EFCAB6: variants seen among roughly 807,000 people sequenced by gnomAD.
EFCAB6 encodes EF-hand calcium-binding domain-containing protein 6.
EFCAB6 carries 156 observed loss-of-function variants against 169.8 expected under a neutral mutation model. The ratio of observed to expected loss-of-function variants is 0.92; its 90% CI spans 0.81 to 1.05. The LOEUF (loss-of-function observed/expected upper bound fraction) is 1.05, where lower values mean the gene tolerates loss of function less well. EFCAB6 is among the 50% of genes least tolerant of loss of function. The pLI, the probability that EFCAB6 is intolerant of heterozygous loss-of-function variation, is 0.00. For missense variants in EFCAB6, 1,800 were observed against 1,829.1 expected (o/e 0.98, Z 0.29); for synonymous variants, 698 against 676.4 (o/e 1.03, Z -0.50).
rs573460982 is a variant in EFCAB6 at position 43,574,440 on chromosome 22, C to T, written c.3420+1857G>A. ...ATGACTTCTGGGAGCCTGTCTACTC[C>T]GCCTTCCCCAACAGGCATGACAGTG... On this transcript the variant is annotated intron_variant, in intron 26 of 31. Transcript: ENST00000262726. 1.1e-4 allele frequency among the ~76,000 whole-genome samples: 17 copies of T among 152,236 alleles called. No homozygotes were observed. In the South Asian group the frequency reaches 1.2e-3, roughly 11 times the overall value.
chr22:43,632,566 C>T (rs1458978686), intron 18 of EFCAB6, among the ~76,000 whole-genome samples: 1 of 152,232 alleles, frequency 6.6e-6, no homozygotes, highest in East Asian at 1.9e-4. Context: ...TCCCAAAGTG[C>T]TGGGATTATA....
chr22:43,611,108 TAAAGA>T (rs1245673653), intron 21 of EFCAB6, among the ~76,000 whole-genome samples: 2 of 152,140 alleles, frequency 1.3e-5, no homozygotes, highest in Non-Finnish European at 2.9e-5. Context: ...ATATTACAAG[TAAAGA>T]AAACTACACA....
Position 43,554,922 on chromosome 22 carries a change from C to T in EFCAB6, c.3595G>A (p.Glu1199Lys), listed in dbSNP as rs1178833918. 2.5e-6 allele frequency: 4 copies of T among 1,614,160 alleles called. No homozygotes were observed. Among genetic ancestry groups the T allele is most frequent in the Admixed American group, 1.7e-5 (1 of 60,022 alleles). The change falls in exon 27 of 32, where the codon GAG (glutamate) becomes AAG (lysine). Residue 1199 changes from glutamate (E) to lysine (K), a missense_variant. Coordinates refer to ENST00000262726, the MANE Select transcript of EFCAB6 (RefSeq NM_022785.4). ...CGATTACAAATGGCCCTAAACTCCT[C>T]TCTGGAGATGGTGTTCGTTTTCATG... ...DTMKTNTISREEFRAICNRRV... is the reference protein window; with the variant it reads ...DTMKTNTISRKEFRAICNRRV...
At chr22:43,804,583 A>G (rs1328083463) in intron 2 of EFCAB6, among the ~76,000 whole-genome samples, 1 of 152,118 alleles carries the variant, frequency 6.6e-6, no homozygotes, top group Non-Finnish European at 1.5e-5. Flanking sequence ...ATATGGCAAG[A>G]TCCCATTTCT....
Position 43,622,474 on chromosome 22 carries a change from G to A in EFCAB6, c.2465+3973C>T, listed in dbSNP as rs148973558. Reference sequence around the variant, plus strand: ...CCAGTTACTTGGGAGTCTGAGGCAGGAGAATCGCTTGAACCTGGGAGGCGG... The same window carrying A: ...CCAGTTACTTGGGAGTCTGAGGCAGAAGAATCGCTTGAACCTGGGAGGCGG... On this transcript the variant is annotated intron_variant, in intron 20 of 31. Transcript: ENST00000262726. Among the ~76,000 whole-genome samples the A allele has an allele frequency of 1.0e-3, 158 of 152,300 alleles. 1 individual carries two copies. Among genetic ancestry groups the A allele is most frequent in the African/African-American group, 3.6e-3 (149 of 41,570 alleles).
At chr22:43,553,815 G>C (rs2048529800) in intron 27 of EFCAB6, 3 of 152,454 alleles carry the variant, frequency 2.0e-5, no homozygotes, top group Admixed American at 6.5e-5. Flanking sequence ...AGCCACAGAA[G>C]AGCTCAGTCC....
At chr22:43,556,803 G>A (rs2048734482) in intron 26 of EFCAB6, among the ~76,000 whole-genome samples, 1 of 152,208 alleles carries the variant, frequency 6.6e-6, no homozygotes, top group Non-Finnish European at 1.5e-5. Context: ...GGCTAACGGA[G>A]CTTCTATACA....
intron 20 of EFCAB6, among the ~76,000 whole-genome samples, chr22:43,622,224 A>G (rs769541499): frequency 6.6e-6 from 1 of 152,190 alleles, no homozygotes; most frequent in Non-Finnish European, 1.5e-5. Flanking sequence ...CATGACTTTT[A>G]TTATTCTTAG....
intron 3 of EFCAB6, among the ~76,000 whole-genome samples, chr22:43,778,739 A>T (rs1459205511): frequency 6.6e-6 from 1 of 152,206 alleles, no homozygotes; most frequent in African/African-American, 2.4e-5. Context: ...AATTTAACTA[A>T]AACTGCAACA....
intron 22 of EFCAB6, among the ~76,000 whole-genome samples, chr22:43,603,837 T>C (rs1331285331): frequency 2.0e-5 from 3 of 152,232 alleles, no homozygotes; most frequent in African/African-American, 7.2e-5. Flanking sequence ...GTGTCTGATA[T>C]GGTTTGGATT....
chr22:43,610,054 C>G (rs1335245832), intron 21 of EFCAB6, among the ~76,000 whole-genome samples: 1 of 152,126 alleles, frequency 6.6e-6, no homozygotes, highest in Non-Finnish European at 1.5e-5. Context: ...ATTTCAAGAC[C>G]TGAATGTGAA....
chr22:43,750,439 A>G (rs2060718043), intron 6 of EFCAB6, among the ~76,000 whole-genome samples: 1 of 152,214 alleles, frequency 6.6e-6, no homozygotes, highest in African/African-American at 2.4e-5. Context: ...AGTGTCTCAG[A>G]TACAATCTGT....
At chr22:43,585,783 A>T (rs2051026226) in intron 24 of EFCAB6, among the ~76,000 whole-genome samples, 1 of 152,190 alleles carries the variant, frequency 6.6e-6, no homozygotes, top group African/African-American at 2.4e-5. Context: ...AAACACCCTT[A>T]TCTATAGAGG....
At chr22:43,778,294 A>T (rs1240955071) in intron 3 of EFCAB6, among the ~76,000 whole-genome samples, 1 of 152,236 alleles carries the variant, frequency 6.6e-6, no homozygotes, top group Non-Finnish European at 1.5e-5. Context: ...CCCCCAGTGC[A>T]GGTAAGTAGC....
At chr22:43,731,409 T>C (rs2059942786) in intron 8 of EFCAB6, among the ~76,000 whole-genome samples, 1 of 152,208 alleles carries the variant, frequency 6.6e-6, no homozygotes, top group East Asian at 1.9e-4. Flanking sequence ...TGGAATATTT[T>C]CCAATCCGCT....
intron 17 of EFCAB6, among the ~76,000 whole-genome samples, chr22:43,658,714 G>A (rs1037510236): frequency 6.6e-6 from 1 of 152,246 alleles, no homozygotes; most frequent in Non-Finnish European, 1.5e-5. Flanking sequence ...CTCGGTGGAA[G>A]GACATTGCTG....
chr22:43,620,342 A>G lies in EFCAB6; in HGVS notation c.2466-4420T>C, dbSNP rs536738826. Among the ~76,000 whole-genome samples, 19 of 152,154 alleles carry G rather than the reference A, an allele frequency of 1.2e-4. No homozygotes were observed. The East Asian group carries it at 3.7e-3, about 29-fold the overall frequency. ...AAAAGAAAAGAAAAAAGAAAAGAAA[A>G]GAAAAGAAGCCTGGGAAAAAAGGCA... On this transcript the variant is annotated intron_variant, in intron 20 of 31. Transcript: ENST00000262726.
intron 10 of EFCAB6, among the ~76,000 whole-genome samples, chr22:43,702,611 C>G (rs1322547142): frequency 6.6e-6 from 1 of 152,154 alleles, no homozygotes; most frequent in African/African-American, 2.4e-5. Flanking sequence ...GAAGCCCATT[C>G]CCATCTCACC....
chr22:43,654,020 A>G (rs1178954635), intron 17 of EFCAB6, among the ~76,000 whole-genome samples: 3 of 152,210 alleles, frequency 2.0e-5, no homozygotes, highest in African/African-American at 7.2e-5. Flanking sequence ...TTAGAAAAAG[A>G]TCAATAAAAG....
Sources: allele counts gnomAD v4.1 joint callset (sites outside exome capture counted in the v4.1 genomes callset), GRCh38; gene constraint gnomAD v4.1.1; transcripts MANE v1.5; gene names NCBI Gene and HGNC (gene_info 2026-07-23, HGNC 2026-07-21).